Variants in MACROD2 observed in about 807,000 individuals in gnomAD.
MACROD2 encodes mono-ADP ribosylhydrolase 2.
MACROD2 carries 36 observed loss-of-function variants against 70.4 expected under a neutral mutation model. The ratio of observed to expected loss-of-function variants is 0.51; its 90% CI spans 0.39 to 0.68. MACROD2 has a LOEUF of 0.68. Among genes scored for constraint, MACROD2 ranks in the 30% least tolerant of loss-of-function variants. MACROD2 has a pLI of 0.00. For synonymous variants in MACROD2, 172 were observed against 178.8 expected (o/e 0.96, Z 0.30); for missense variants, 496 against 538.4 (o/e 0.92, Z 0.78).
intron 7 of MACROD2, among the ~76,000 whole-genome samples, chr20:15,450,386 A>G (rs2046624231): frequency 6.6e-6 from 1 of 152,148 alleles, no homozygotes; most frequent in East Asian, 1.9e-4. Flanking sequence ...TCTTTCCCAA[A>G]TGATACCTAT....
intron 8 of MACROD2, among the ~76,000 whole-genome samples, chr20:15,518,919 C>G (rs6105426): frequency 0.3 from 45,459 of 152,010 alleles, 6,935 homozygotes; most frequent in South Asian, 0.42. Flanking sequence ...TTATTGAGAA[C>G]CTATCATAAG....
At chr20:14,181,469 A>T (rs574556341) in intron 3 of MACROD2, among the ~76,000 whole-genome samples, 64 of 152,180 alleles carry the variant, frequency 4.2e-4, no homozygotes, top group African/African-American at 1.3e-3. Context: ...CTTCAGATTT[A>T]AAAAAATCAA....
intron 9 of MACROD2, among the ~76,000 whole-genome samples, chr20:15,875,455 G>T (rs2064654611): frequency 2.0e-5 from 3 of 151,962 alleles, no homozygotes; most frequent in African/African-American, 7.2e-5. Context: ...TTAGAATTCT[G>T]CAAGACAAGC....
At chr20:14,612,028 T>C (rs1005691078) in intron 4 of MACROD2, among the ~76,000 whole-genome samples, 3 of 152,138 alleles carry the variant, frequency 2.0e-5, no homozygotes, top group Admixed American at 6.6e-5. Flanking sequence ...TTTTTATTCT[T>C]GCTTGCCTAG....
chr20:14,459,809 G>C (rs1456790410), intron 3 of MACROD2, among the ~76,000 whole-genome samples: 1 of 151,974 alleles, frequency 6.6e-6, no homozygotes, highest in Non-Finnish European at 1.5e-5. Context: ...ACATGCCATG[G>C]TGGTCTGCTG....
intron 6 of MACROD2, among the ~76,000 whole-genome samples, chr20:15,247,692 G>A (rs1175729473): frequency 6.6e-6 from 1 of 151,874 alleles, no homozygotes; most frequent in Admixed American, 6.6e-5. Context: ...TAATAAATGA[G>A]CTTTGACAGA....
intron 7 of MACROD2, among the ~76,000 whole-genome samples, chr20:15,450,538 G>A (rs901892200): frequency 6.6e-6 from 1 of 152,088 alleles, no homozygotes; most frequent in African/African-American, 2.4e-5. Flanking sequence ...CCTATTTTGT[G>A]TGTGTATTTT....
intron 2 of MACROD2, among the ~76,000 whole-genome samples, chr20:14,019,354 C>T: frequency 6.6e-6 from 1 of 152,164 alleles, no homozygotes; most frequent in East Asian, 1.9e-4. Context: ...TTACTGCAAC[C>T]TCTGCCTCCT....
At chr20:14,825,746 G>A in intron 5 of MACROD2, among the ~76,000 whole-genome samples, 1 of 152,212 alleles carries the variant, frequency 6.6e-6, no homozygotes, top group East Asian at 1.9e-4. Flanking sequence ...ACAATAACTT[G>A]TTTTATTCAT....
At chr20:14,602,152 A>G (rs1982539949) in intron 4 of MACROD2, among the ~76,000 whole-genome samples, 1 of 152,270 alleles carries the variant, frequency 6.6e-6, no homozygotes, top group Non-Finnish European at 1.5e-5. Context: ...GAGTGAAAGG[A>G]AAGCTCTCAG....
intron 5 of MACROD2, among the ~76,000 whole-genome samples, chr20:15,079,520 A>G (rs1413047741): frequency 3.3e-5 from 5 of 152,068 alleles, no homozygotes; most frequent in Non-Finnish European, 7.4e-5. Context: ...CCCTGAATCC[A>G]AGAAGCCATT....
chr20:15,431,900 A>T (rs1464945910), intron 7 of MACROD2, among the ~76,000 whole-genome samples: 6 of 151,326 alleles, frequency 4.0e-5, no homozygotes, highest in African/African-American at 1.4e-4. Context: ...ACTAAATATG[A>T]AGAATTTTAA....
chr20:14,418,692 C>T (rs1292467509), intron 3 of MACROD2, among the ~76,000 whole-genome samples: 1 of 152,142 alleles, frequency 6.6e-6, no homozygotes, highest in Non-Finnish European at 1.5e-5. Flanking sequence ...ATAATTTTCC[C>T]CAGGAGTGCT....
chr20:14,396,325 A>G (rs1317787892), intron 3 of MACROD2, among the ~76,000 whole-genome samples: 1 of 152,166 alleles, frequency 6.6e-6, no homozygotes. Context: ...TGAAATCTCT[A>G]TCATTGTGGA....
chr20:15,029,036 T>C (rs1022139342), intron 5 of MACROD2, among the ~76,000 whole-genome samples: 3 of 152,096 alleles, frequency 2.0e-5, no homozygotes, highest in South Asian at 2.1e-4. Flanking sequence ...AGCTGGACAA[T>C]GTTGGCCTGC....
chr20:14,142,319 C>T (rs1464016746), intron 3 of MACROD2, among the ~76,000 whole-genome samples: 1 of 152,182 alleles, frequency 6.6e-6, no homozygotes, highest in Non-Finnish European at 1.5e-5. Context: ...TCTGAACTTA[C>T]TGCAGCTGCT....
At chr20:14,815,256 A>G (rs770786352) in intron 5 of MACROD2, among the ~76,000 whole-genome samples, 8 of 152,090 alleles carry the variant, frequency 5.3e-5, no homozygotes, top group Non-Finnish European at 1.0e-4. Context: ...TCTGCATGAT[A>G]GCTTATTTCA....
intron 8 of MACROD2, among the ~76,000 whole-genome samples, chr20:15,644,077 C>T (rs2049503513): frequency 6.6e-6 from 1 of 152,126 alleles, no homozygotes; most frequent in African/African-American, 2.4e-5. Flanking sequence ...AAACATAACT[C>T]AGGGCAGGAA....
intron 5 of MACROD2, among the ~76,000 whole-genome samples, chr20:14,971,245 T>G (rs753212376): frequency 6.6e-5 from 10 of 152,118 alleles, no homozygotes; most frequent in Non-Finnish European, 1.2e-4. Context: ...ATGCATGTTT[T>G]TTTTCTGAAT....
Sources: gnomAD v4.1 joint callset for allele counts (sites outside exome capture counted in the v4.1 genomes callset) on GRCh38, gnomAD v4.1.1 for gene constraint, MANE v1.5 for transcripts, NCBI Gene and HGNC (gene_info 2026-07-23, HGNC 2026-07-21) for gene names.